The following PCDH11X variants were observed in gnomAD, a reference collection of about 807,000 sequenced individuals.
PCDH11X encodes protocadherin-11 X-linked.
Under a neutral mutation model 53.3 loss-of-function variants are expected in PCDH11X, and 18 were observed. That is an observed-to-expected ratio of 0.34 (90% CI 0.23 to 0.50). PCDH11X has a LOEUF of 0.50. Among genes scored for constraint, PCDH11X ranks in the 20% least tolerant of loss-of-function variants. PCDH11X has a pLI of 0.98. For synonymous variants in PCDH11X, 279 were observed against 393.3 expected, an observed-to-expected ratio of 0.71 and a Z score of 3.44; for missense variants, 570 against 1,032.4, an observed-to-expected ratio of 0.55 and a Z score of 6.14.
At chrX:92,213,273 C>T (rs184321995) in intron 7 of PCDH11X, among the ~76,000 whole-genome samples, 251 of 111,901 alleles carry the variant, frequency 2.2e-3, no homozygotes, top group African/African-American at 8.0e-3. Context: ...GAGTACTTTG[C>T]TTTTAATCAT....
At chrX:91,832,264 C>A (rs1265262766) in intron 4 of PCDH11X, among the ~76,000 whole-genome samples, 3 of 108,604 alleles carry the variant, frequency 2.8e-5, no homozygotes, top group Non-Finnish European at 5.7e-5. Context: ...CAATGATAGA[C>A]TGGATTAAGA....
At position 92,408,676 on chromosome X, in the gene PCDH11X, G is replaced by C. The variant is rs76879506; in HGVS notation, c.3343+20743G>C. Among the ~76,000 whole-genome samples the C allele has an allele frequency of 3.3e-4, 37 of 110,805 alleles. 1 individual carries two copies. Among genetic ancestry groups the C allele is most frequent in the Admixed American group, 2.0e-3 (21 of 10,441 alleles). On this transcript the variant is annotated intron_variant, in intron 9 of 10. Transcript: ENST00000682573. ...CGGCTCACTGCAAGCTCTGCCTCTC[G>C]GGTTCACGCCATTCTCCTGCCTCAG...
At position 92,460,616 on chromosome X, in the gene PCDH11X, T is replaced by G. The variant is rs984630050; in HGVS notation, c.3344-7683T>G. ...CTCCATGAGAAATCTGAAGGCCAGC[T>G]TGGAGAACAACCCGAGGGAGGTGGA... On this transcript the variant is annotated intron_variant, in intron 9 of 10. Coordinates refer to ENST00000682573, the MANE Select transcript of PCDH11X (RefSeq NM_032968.5). 6.1e-6 allele frequency: 5 copies of G among 821,331 alleles called. No homozygotes were observed. The African/African-American group carries it at 1.0e-4, about 16-fold the overall frequency. 67.7% of individuals were successfully genotyped at this position (821,331 alleles called of 1,213,427 possible). A position where few individuals can be genotyped will look rare whatever the true frequency, so the allele number is the denominator to read the frequency against.
At chrX:92,543,380 C>T (rs1437209725) in intron 10 of PCDH11X, among the ~76,000 whole-genome samples, 1 of 110,193 alleles carries the variant, frequency 9.1e-6, no homozygotes, top group African/African-American at 3.3e-5. Flanking sequence ...ATATCAACAT[C>T]TTTTGACCCA....
At chrX:92,411,686 G>T (rs1445113859) in intron 9 of PCDH11X, among the ~76,000 whole-genome samples, 1 of 107,356 alleles carries the variant, frequency 9.3e-6, no homozygotes, top group African/African-American at 3.4e-5. Flanking sequence ...TCACTGATGG[G>T]CATTTGGGTT....
intron 1 of PCDH11X, among the ~76,000 whole-genome samples, chrX:91,796,836 T>G (rs894019594): frequency 4.5e-5 from 5 of 111,742 alleles, no homozygotes; most frequent in African/African-American, 1.6e-4. Flanking sequence ...ATGGTATGAA[T>G]ATAGAAATTG....
chrX:92,153,913 A>G (rs377069567), intron 6 of PCDH11X, among the ~76,000 whole-genome samples: 17 of 111,179 alleles, frequency 1.5e-4, no homozygotes, highest in African/African-American at 5.2e-4. Flanking sequence ...GGAGGATAAA[A>G]GCACCATTAG....
At chrX:91,921,156 C>G (rs1439834844) in intron 6 of PCDH11X, among the ~76,000 whole-genome samples, 2 of 111,036 alleles carry the variant, frequency 1.8e-5, no homozygotes, top group East Asian at 5.7e-4. Flanking sequence ...TTAAACTAGA[C>G]TTTATTTTTT....
At chrX:92,595,995 C>T (rs1380470478) in intron 10 of PCDH11X, among the ~76,000 whole-genome samples, 1 of 110,850 alleles carries the variant, frequency 9.0e-6, no homozygotes, top group African/African-American at 3.3e-5. Context: ...AGTGCTACCT[C>T]CTCATGTGGG....
At chrX:92,545,123 T>C (rs1051817261) in intron 10 of PCDH11X, among the ~76,000 whole-genome samples, 1 of 111,395 alleles carries the variant, frequency 9.0e-6, no homozygotes, top group Admixed American at 9.6e-5. Context: ...ATTATAGCTT[T>C]TGGTACACTC....
At chrX:92,376,119 A>G (rs1569476974) in intron 8 of PCDH11X, among the ~76,000 whole-genome samples, 1 of 111,686 alleles carries the variant, frequency 9.0e-6, no homozygotes, top group Non-Finnish European at 1.9e-5. Context: ...GTAAATGTAT[A>G]TATCACAACA....
chrX:91,982,719 A>G, intron 6 of PCDH11X: 1 of 970,714 alleles, frequency 1.0e-6, no homozygotes, highest in Non-Finnish European at 1.5e-6. Context: ...GCCATCCAGA[A>G]GAGCTGACAG....
At chrX:92,477,760 G>T (rs1313528293) in intron 10 of PCDH11X, among the ~76,000 whole-genome samples, 1 of 105,761 alleles carries the variant, frequency 9.5e-6, no homozygotes, top group East Asian at 3.0e-4. Context: ...AGTATTGCCT[G>T]GGTATTATTG....
intron 1 of PCDH11X, among the ~76,000 whole-genome samples, chrX:91,808,640 C>A (rs1324339515): frequency 9.1e-6 from 1 of 110,277 alleles, no homozygotes; most frequent in African/African-American, 3.3e-5. Context: ...ATCTTTGCTT[C>A]TAGATTAATA....
intron 6 of PCDH11X, among the ~76,000 whole-genome samples, chrX:92,183,180 A>G (rs2066025794): frequency 9.3e-6 from 1 of 108,052 alleles, no homozygotes; most frequent in Admixed American, 1.0e-4. Flanking sequence ...TTGGATTACT[A>G]GTTTCCAAAC....
At chrX:91,783,370 G>A (rs1006212634) in intron 1 of PCDH11X, among the ~76,000 whole-genome samples, 5 of 111,773 alleles carry the variant, frequency 4.5e-5, no homozygotes, top group Non-Finnish European at 9.4e-5. Flanking sequence ...TTTGTCACCG[G>A]ACTGGATTCT....
At chrX:92,142,964 A>G (rs1468703662) in intron 6 of PCDH11X, among the ~76,000 whole-genome samples, 1 of 110,552 alleles carries the variant, frequency 9.0e-6, no homozygotes, top group Non-Finnish European at 1.9e-5. Flanking sequence ...ACAAACCTAT[A>G]TATGCATTTA....
At chrX:92,084,633 G>C (rs748992726) in intron 6 of PCDH11X, among the ~76,000 whole-genome samples, 1 of 109,940 alleles carries the variant, frequency 9.1e-6, no homozygotes, top group Non-Finnish European at 1.9e-5. Context: ...TATTGAGAAA[G>C]ATTTTATTAT....
At chrX:91,790,340 C>T (rs67923149) in intron 1 of PCDH11X, among the ~76,000 whole-genome samples, 36,144 of 110,552 alleles carry the variant, frequency 0.33, 4,890 homozygotes, top group African/African-American at 0.52. Flanking sequence ...ACAGTGTCAA[C>T]GGTGTACCAG....
Sources: allele counts gnomAD v4.1 joint callset (sites outside exome capture counted in the v4.1 genomes callset), GRCh38; gene constraint gnomAD v4.1.1; transcripts MANE v1.5; gene names NCBI Gene and HGNC (gene_info 2026-07-23, HGNC 2026-07-21).